The following SLC9C2 variants were observed in gnomAD, a reference collection of about 807,000 sequenced individuals.
The protein encoded by SLC9C2 is sodium/hydrogen exchanger 11.
Under a neutral mutation model 140.2 loss-of-function variants are expected in SLC9C2, and 75 were observed. The ratio of observed to expected loss-of-function variants is 0.53; its 90% confidence interval spans 0.44 to 0.65. SLC9C2 has a LOEUF of 0.65. Ranked by LOEUF, SLC9C2 falls within the 30% of genes least tolerant of loss-of-function variation. The pLI, the probability that SLC9C2 is intolerant of heterozygous loss-of-function variation, is 0.00. For missense variants in SLC9C2, 1,074 were observed against 1,331.8 expected, an observed-to-expected ratio of 0.81 and a Z score of 3.01; for synonymous variants, 375 against 420.9, an observed-to-expected ratio of 0.89 and a Z score of 1.34.
chr1:173,534,303 C>T (rs1417982146), intron 16 of SLC9C2, among the ~76,000 whole-genome samples, 181 bp downstream of exon 16: 1 of 152,056 alleles, frequency 6.6e-6, no homozygotes, highest in African/African-American at 2.4e-5. Flanking sequence ...AATACCATGA[C>T]TCTTATACTA....
At chr1:173,535,736 T>A (rs1355907962) in intron 15 of SLC9C2, 94 bp downstream of exon 15, 1 of 1,345,624 alleles carries the variant, frequency 7.4e-7, no homozygotes, top group Non-Finnish European at 9.8e-7. Flanking sequence ...AATATAGTTT[T>A]TCTCAAATAA....
At chr1:173,564,059 T>G (rs1209825205) in intron 9 of SLC9C2, among the ~76,000 whole-genome samples, 1 of 152,244 alleles carries the variant, frequency 6.6e-6, no homozygotes. Context: ...GGCTGAATAG[T>G]ATTCCATTGT....
At chr1:173,515,873 CTGT>C (rs1164561885) in intron 23 of SLC9C2, among the ~76,000 whole-genome samples, 1 of 152,066 alleles carries the variant, frequency 6.6e-6, no homozygotes, top group Non-Finnish European at 1.5e-5. Flanking sequence ...GTTGTTGATG[CTGT>C]TGTTGTTGCT....
intron 9 of SLC9C2, among the ~76,000 whole-genome samples, chr1:173,564,883 C>T (rs1175280290): frequency 6.6e-6 from 1 of 151,596 alleles, no homozygotes; most frequent in South Asian, 2.1e-4. Flanking sequence ...ATGATCTGCC[C>T]GCCTCGGCCT....
intron 9 of SLC9C2, among the ~76,000 whole-genome samples, chr1:173,559,175 C>A (rs992690588): frequency 1.3e-5 from 2 of 152,184 alleles, no homozygotes; most frequent in Non-Finnish European, 2.9e-5. Context: ...ATAATTTAGT[C>A]TTTTCTAGTT....
At chr1:173,531,031 A>G (rs1661538913) in intron 17 of SLC9C2, among the ~76,000 whole-genome samples, 1 of 152,160 alleles carries the variant, frequency 6.6e-6, no homozygotes, top group Non-Finnish European at 1.5e-5. Flanking sequence ...GCACCTAAAG[A>G]TTGCCAGTAT....
At chr1:173,544,807 T>C (rs919579647) in intron 13 of SLC9C2, among the ~76,000 whole-genome samples, 2 of 151,996 alleles carry the variant, frequency 1.3e-5, no homozygotes, top group African/African-American at 2.4e-5. Context: ...AGTTGAACAA[T>C]GAGAACACTT....
At chr1:173,509,825 T>C (rs1659919580) in intron 23 of SLC9C2, 126 bp from the exon 24 acceptor site, 12 of 937,220 alleles carry the variant, frequency 1.3e-5, no homozygotes, top group Middle Eastern at 4.9e-4. Context: ...ATTATGATAC[T>C]CTTGTCATTT....
At chr1:173,546,392 G>C (rs1558052634) in intron 13 of SLC9C2, among the ~76,000 whole-genome samples, 1 of 151,986 alleles carries the variant, frequency 6.6e-6, no homozygotes, top group African/African-American at 2.4e-5. Flanking sequence ...AATTAGCTGG[G>C]CATGGTGCCA....
In SLC9C2 at chr1:173,548,385, T is replaced by A. The variant is rs747366950; in HGVS notation, c.1461+4A>T. On this transcript the variant is annotated splice_donor_region_variant and intron_variant, in intron 12 of 27. Transcript: ENST00000367714. The stretch of plus-strand genomic sequence containing the variant: ...AAACTACTTTTTGCCAGGTATCAAC[T>A]CACAGGAATGTATTCGATCCTCGTT... 6.2e-7 allele frequency: 1 copy of A among 1,610,548 alleles called. No individual in the cohort carries two copies.
At chr1:173,566,057 A>C (rs1352979371) in intron 9 of SLC9C2, among the ~76,000 whole-genome samples, 1 of 151,980 alleles carries the variant, frequency 6.6e-6, no homozygotes, top group Non-Finnish European at 1.5e-5. Context: ...TGATCTTTTT[A>C]ATGCATTGTT....
In SLC9C2 at chr1:173,517,656, C is replaced by T; in HGVS notation, c.2788G>A (p.Asp930Asn). ...GTAAACATGTCTCTGGACCCTCTAT[C>T]ACACCTTTGATTACTCTCTATTCCA... ...TFGIESNQRC[D>N]RGSRDMFTEF... The change falls in exon 23 of 28, where the codon GAT becomes AAT. Residue 930 changes from aspartate (D) to asparagine (N), a missense_variant. Asp to Asn is a conservative substitution (Grantham distance 23). Coordinates refer to ENST00000367714, the MANE Select transcript of SLC9C2 (RefSeq NM_178527.4). 1 of 1,613,878 alleles carries T rather than the reference C, an allele frequency of 6.2e-7. No individual in the cohort carries two copies. Among genetic ancestry groups the T allele is most frequent in the Admixed American group, 1.7e-5 (1 of 59,988 alleles).
Position 173,599,362 on chromosome 1 carries a change from ATTTTTTT to A in SLC9C2, c.228+748_228+754del, listed in dbSNP as rs61579339. On this transcript the variant is annotated intron_variant, in intron 3 of 27. Transcript: ENST00000367714. ...CAAGAGCGCAAACACATTTTCCTTG[ATTTTTTT>A]TTTTTTTTTTTTTTTTTTTTTTTGA... 2.8e-4 allele frequency among the ~76,000 whole-genome samples: 19 copies of A among 68,128 alleles called. No homozygotes were observed. The East Asian group carries it at 3.0e-3, about 11-fold the overall frequency. 44.7% of individuals were successfully genotyped at this position (68,128 alleles called of 152,430 possible).
intron 23 of SLC9C2, among the ~76,000 whole-genome samples, chr1:173,510,379 C>T (rs542738406): frequency 6.6e-6 from 1 of 152,246 alleles, no homozygotes; most frequent in South Asian, 2.1e-4. Context: ...AGGTTTGTTA[C>T]TTAGGTCTAC....
intron 10 of SLC9C2, among the ~76,000 whole-genome samples, chr1:173,556,746 G>A (rs559261670): frequency 4.3e-4 from 64 of 149,836 alleles, no homozygotes; most frequent in Admixed American, 1.6e-3. Flanking sequence ...GCAAAACCCC[G>A]TCTCTACTAA....
At chr1:173,506,768 T>C in intron 25 of SLC9C2, 88 bp downstream of exon 25, 1 of 1,117,132 alleles carries the variant, frequency 9.0e-7, no homozygotes, top group Non-Finnish European at 1.3e-6. Flanking sequence ...CCAGGTTAAA[T>C]TTCTTTTTAA....
intron 17 of SLC9C2, among the ~76,000 whole-genome samples, chr1:173,531,696 C>G (rs1661588801): frequency 6.6e-6 from 1 of 152,192 alleles, no homozygotes; most frequent in Non-Finnish European, 1.5e-5. Flanking sequence ...CTACAACTGT[C>G]TTGGTAAATT....
At chr1:173,525,353 C>T (rs906045639) in intron 19 of SLC9C2, among the ~76,000 whole-genome samples, 8 of 152,230 alleles carry the variant, frequency 5.3e-5, no homozygotes, top group Non-Finnish European at 2.9e-5. Context: ...CTTTCCCCTT[C>T]AGTAAACCTC....
chr1:173,578,999 T>C (rs1470915728), intron 7 of SLC9C2, among the ~76,000 whole-genome samples: 1 of 152,260 alleles, frequency 6.6e-6, no homozygotes, highest in East Asian at 1.9e-4. Context: ...GCTTTCATTC[T>C]GAGCAGCGGC....
Sources: gnomAD v4.1 joint callset for allele counts (sites outside exome capture counted in the v4.1 genomes callset) on GRCh38, gnomAD v4.1.1 for gene constraint, MANE v1.5 for transcripts, NCBI Gene and HGNC (gene_info 2026-07-23, HGNC 2026-07-21) for gene names.